FOXJ3: variants seen among roughly 807,000 people sequenced by gnomAD.
FOXJ3 encodes the protein forkhead box protein J3.
In FOXJ3, 22 loss-of-function variants were observed where a neutral mutation model predicts 76.1. The ratio of observed to expected loss-of-function variants is 0.29; its 90% CI spans 0.21 to 0.41. The LOEUF is 0.41. Ranked by LOEUF, FOXJ3 falls within the 10% of genes least tolerant of loss-of-function variation. The pLI is 1.00. For synonymous variants in FOXJ3, 269 were observed against 261.2 expected, an observed-to-expected ratio of 1.03 and a Z score of -0.29; for missense variants, 613 against 762.1, an observed-to-expected ratio of 0.80 and a Z score of 2.30.
chr1:42,327,254 G>C (rs915462512), intron 1 of FOXJ3, among the ~76,000 whole-genome samples: 1 of 152,138 alleles, frequency 6.6e-6, no homozygotes, highest in East Asian at 1.9e-4. Flanking sequence ...TCTGTACACA[G>C]GGTAGACAAG....
At position 42,231,138 on chromosome 1, in the gene FOXJ3, C is replaced by A. The variant is rs1055586167; in HGVS notation, c.445-3172G>T. 4.9e-5 allele frequency among the ~76,000 whole-genome samples: 7 copies of A among 141,802 alleles called. 1 individual carries two copies. In the South Asian group the frequency reaches 1.6e-3, roughly 33 times the overall value. The allele number at this position is 141,802 out of a possible 152,430, so 93.0% of individuals were successfully genotyped here. On this transcript the variant is annotated intron_variant, in intron 4 of 12. Coordinates refer to ENST00000361346, the MANE Select transcript of FOXJ3 (RefSeq NM_014947.5). Reference sequence around the variant, plus strand: ...GACCATCCTGGCTAACACAGTGAAACCCCCGTCTCTACTTAAAAAAAAAAA... The same window carrying A: ...GACCATCCTGGCTAACACAGTGAAAACCCCGTCTCTACTTAAAAAAAAAAA...
intron 1 of FOXJ3, among the ~76,000 whole-genome samples, chr1:42,319,938 C>T (rs1433229316): frequency 6.6e-6 from 1 of 152,206 alleles, no homozygotes; most frequent in Non-Finnish European, 1.5e-5. Flanking sequence ...ATTGTTTATT[C>T]ACTAAACACG....
intron 2 of FOXJ3, among the ~76,000 whole-genome samples, chr1:42,283,875 T>C (rs1652884648): frequency 6.6e-6 from 1 of 152,172 alleles, no homozygotes; most frequent in Non-Finnish European, 1.5e-5. Flanking sequence ...TAGGAATAAA[T>C]CCCAATTTTA....
intron 3 of FOXJ3, among the ~76,000 whole-genome samples, chr1:42,270,676 T>C (rs1045106468): frequency 2.0e-5 from 3 of 152,168 alleles, no homozygotes; most frequent in Non-Finnish European, 4.4e-5. Context: ...GATGAAGCCA[T>C]GCTGATTGGC....
rs78482879 is a variant in FOXJ3 at position 42,220,609 on chromosome 1, G to T, written c.528+7274C>A. 6.7e-3 allele frequency among the ~76,000 whole-genome samples: 1,017 copies of T among 152,176 alleles called. 14 individuals are homozygous for T. The highest frequency in any genetic ancestry group is 0.024 in the African/African-American group (982 of 41,514). On this transcript the variant is annotated intron_variant, in intron 5 of 12. Transcript: ENST00000361346. Reference sequence around the variant, plus strand: ...AAGCCAAAGGTGCTGAAAAGCTAAAGCCCCTAGAAGCATCACTCAATTAAT... The same window carrying T: ...AAGCCAAAGGTGCTGAAAAGCTAAATCCCCTAGAAGCATCACTCAATTAAT...
intron 5 of FOXJ3, among the ~76,000 whole-genome samples, chr1:42,214,359 G>A (rs1393560517): frequency 6.6e-6 from 1 of 152,086 alleles, no homozygotes; most frequent in East Asian, 1.9e-4. Flanking sequence ...AATAGATCCA[G>A]GCATCCCAAA....
chr1:42,326,239 A>G (rs1314522551), intron 1 of FOXJ3, among the ~76,000 whole-genome samples: 1 of 152,198 alleles, frequency 6.6e-6, no homozygotes, highest in Admixed American at 6.5e-5. Flanking sequence ...AGACGGAGTG[A>G]GACTCCAACT....
chr1:42,295,381 T>C (rs889398142), intron 2 of FOXJ3, among the ~76,000 whole-genome samples: 8 of 152,220 alleles, frequency 5.3e-5, no homozygotes, highest in South Asian at 2.1e-4. Context: ...GAAAAGTACA[T>C]GATTTCATTC....
At chr1:42,264,818 G>A (rs1033419444) in intron 4 of FOXJ3, 3 of 317,832 alleles carry the variant, frequency 9.4e-6, no homozygotes, top group East Asian at 8.4e-5. Context: ...CCCCTTATAT[G>A]TAATAATGAA....
At chr1:42,260,298 TATAAC>T (rs1161143615) in intron 4 of FOXJ3, among the ~76,000 whole-genome samples, 2 of 152,126 alleles carry the variant, frequency 1.3e-5, no homozygotes, top group Admixed American at 6.6e-5. Flanking sequence ...TACAAATAAA[TATAAC>T]ATAATACTAA....
intron 2 of FOXJ3, chr1:42,280,194 AG>A (rs1002699130): frequency 2.7e-6 from 1 of 364,416 alleles, no homozygotes; most frequent in African/African-American, 2.2e-5. Context: ...ATATTAGTCT[AG>A]GAGTATCTTG....
chr1:42,238,074 C>A (rs1648840892), intron 4 of FOXJ3, among the ~76,000 whole-genome samples: 1 of 152,116 alleles, frequency 6.6e-6, no homozygotes, highest in African/African-American at 2.4e-5. Flanking sequence ...CACTCTGTCA[C>A]CCAGGCTGGA....
chr1:42,327,409 G>A (rs1024255082), intron 1 of FOXJ3, among the ~76,000 whole-genome samples: 2 of 152,144 alleles, frequency 1.3e-5, no homozygotes, highest in African/African-American at 2.4e-5. Context: ...TGTTGTGTCT[G>A]TAATTACCCA....
At position 42,191,334 on chromosome 1, in the gene FOXJ3, G is replaced by A. The variant is rs752904355; in HGVS notation, c.1320C>T (p.Pro440=). 26 of 1,555,876 alleles carry A rather than the reference G, an allele frequency of 1.7e-5. No individual in the cohort carries two copies. The highest frequency in any genetic ancestry group is 2.1e-5 in the Non-Finnish European group (24 of 1,145,218). The change falls in exon 9 of 13, where the codon CCC becomes CCT. Residue 440 remains proline, a synonymous_variant. Transcript: ENST00000361346. ...TACAGGATACCTGTTGTGGGGGTGG[G>A]GGTGCCTGATGTGTTAACGTCTGAT... The part of the protein sequence containing the change: ...HQHQTLTHQA[P]PPPQQVSCNS...
intron 4 of FOXJ3, among the ~76,000 whole-genome samples, chr1:42,234,054 G>A (rs1648378455): frequency 6.6e-6 from 1 of 152,130 alleles, no homozygotes; most frequent in Non-Finnish European, 1.5e-5. Flanking sequence ...TATAGATTTG[G>A]TCTTTTCACA....
intron 3 of FOXJ3, among the ~76,000 whole-genome samples, chr1:42,274,058 T>C (rs993785990): frequency 6.6e-6 from 1 of 152,196 alleles, no homozygotes. Context: ...CATGAATTCT[T>C]ATTGGGCTTT....
intron 2 of FOXJ3, among the ~76,000 whole-genome samples, chr1:42,282,746 G>A (rs1000769749): frequency 5.9e-4 from 90 of 152,076 alleles, no homozygotes; most frequent in African/African-American, 2.1e-3. Context: ...AACATCTCCC[G>A]CTACAGAAAG....
intron 11 of FOXJ3, among the ~76,000 whole-genome samples, chr1:42,183,494 T>C (rs1364708895): frequency 1.3e-5 from 2 of 151,746 alleles, no homozygotes; most frequent in East Asian, 3.9e-4. Context: ...CTACGTTACA[T>C]CACAATGCAA....
chr1:42,279,281 C>T (rs1248098387), intron 2 of FOXJ3, among the ~76,000 whole-genome samples: 1 of 151,030 alleles, frequency 6.6e-6, no homozygotes, highest in African/African-American at 2.4e-5. Flanking sequence ...GGGAGTTGAC[C>T]GAAAAAAGGA....
Sources: gnomAD v4.1 joint callset for allele counts (sites outside exome capture counted in the v4.1 genomes callset) on GRCh38, gnomAD v4.1.1 for gene constraint, MANE v1.5 for transcripts, NCBI Gene and HGNC (gene_info 2026-07-23, HGNC 2026-07-21) for gene names.